PCDH9: variants seen among roughly 807,000 people sequenced by gnomAD.
PCDH9 encodes protocadherin 9.
Under a neutral mutation model 70.6 loss-of-function variants are expected in PCDH9, and 24 were observed. The observed-to-expected ratio is 0.34, with a 90% CI of 0.25 to 0.48. The LOEUF (loss-of-function observed/expected upper bound fraction) is 0.48, where lower values mean the gene tolerates loss of function less well. Ranked by LOEUF, PCDH9 falls within the 20% of genes least tolerant of loss-of-function variation. PCDH9 has a pLI of 0.99. For missense variants in PCDH9, 1,281 were observed against 1,503.6 expected, an observed-to-expected ratio of 0.85 and a Z score of 2.45; for synonymous variants, 562 against 558.5, an observed-to-expected ratio of 1.01 and a Z score of -0.09.
intron 3 of PCDH9, among the ~76,000 whole-genome samples, chr13:66,738,011 G>A (rs1205120636): frequency 6.6e-6 from 1 of 152,194 alleles, no homozygotes; most frequent in Non-Finnish European, 1.5e-5. Flanking sequence ...AAGGAGGCCT[G>A]CCTGCCTCTG....
intron 4 of PCDH9, among the ~76,000 whole-genome samples, chr13:66,573,403 C>A (rs1436897258): frequency 2.0e-5 from 3 of 150,482 alleles, no homozygotes; most frequent in Non-Finnish European, 4.4e-5. Flanking sequence ...TTGATTGTTT[C>A]TTTTGTTACT....
intron 3 of PCDH9, among the ~76,000 whole-genome samples, chr13:66,650,585 C>T (rs1026807415): frequency 5.3e-5 from 8 of 151,880 alleles, no homozygotes; most frequent in Non-Finnish European, 8.8e-5. Flanking sequence ...AGAAAATCAA[C>T]AAAGAGTAAG....
chr13:66,950,460 A>T (rs189478961), intron 2 of PCDH9, among the ~76,000 whole-genome samples: 20 of 152,154 alleles, frequency 1.3e-4, no homozygotes, highest in Admixed American at 9.8e-4. Flanking sequence ...ATTGGGAAAC[A>T]TGGAAAGTTC....
intron 2 of PCDH9, chr13:67,205,289 A>G (rs1484303728): frequency 2.0e-5 from 3 of 152,128 alleles, no homozygotes; most frequent in African/African-American, 7.2e-5. Flanking sequence ...GTCCCTTCCC[A>G]ATTTCTCATT....
intron 2 of PCDH9, among the ~76,000 whole-genome samples, chr13:66,909,632 G>A (rs1302161784): frequency 6.6e-6 from 1 of 152,026 alleles, no homozygotes; most frequent in Admixed American, 6.5e-5. Flanking sequence ...AGCCGGGCGT[G>A]GTGGCGGGCG....
At chr13:66,886,706 A>G (rs1325008340) in intron 3 of PCDH9, among the ~76,000 whole-genome samples, 1 of 152,228 alleles carries the variant, frequency 6.6e-6, no homozygotes, top group East Asian at 1.9e-4. Context: ...ACTAGGTATC[A>G]GTAAACAGCT....
chr13:66,454,071 A>T (rs565234296), intron 4 of PCDH9, among the ~76,000 whole-genome samples: 15 of 152,180 alleles, frequency 9.9e-5, no homozygotes, highest in Admixed American at 5.9e-4. Flanking sequence ...TTCTTATAAG[A>T]ATCATCACAT....
chr13:66,854,632 T>C (rs1955399521), intron 3 of PCDH9, among the ~76,000 whole-genome samples: 1 of 152,086 alleles, frequency 6.6e-6, no homozygotes. Context: ...ACTTTTTTTT[T>C]TGTATGTTTT....
At chr13:66,895,147 G>A (rs778363706) in intron 3 of PCDH9, among the ~76,000 whole-genome samples, 5 of 152,146 alleles carry the variant, frequency 3.3e-5, no homozygotes, top group South Asian at 2.1e-4. Flanking sequence ...TTTACAGTCC[G>A]TATTTTGAAA....
chr13:66,411,593 T>A (rs1957369975), intron 4 of PCDH9, among the ~76,000 whole-genome samples: 1 of 152,066 alleles, frequency 6.6e-6, no homozygotes, highest in Admixed American at 6.6e-5. Flanking sequence ...AGAATTGTAA[T>A]TTTGAAGATG....
chr13:66,556,936 C>T (rs1197226069), intron 4 of PCDH9, among the ~76,000 whole-genome samples: 1 of 152,088 alleles, frequency 6.6e-6, no homozygotes, highest in Non-Finnish European at 1.5e-5. Context: ...TATTTAAAAT[C>T]AATACTTAAG....
At chr13:67,211,039 A>C (rs1481675789) in intron 2 of PCDH9, 1 of 152,128 alleles carries the variant, frequency 6.6e-6, no homozygotes, top group East Asian at 1.9e-4. Context: ...TAAGCTTAAT[A>C]TATCCTGTTG....
At chr13:66,901,731 G>A (rs1341923807) in intron 3 of PCDH9, among the ~76,000 whole-genome samples, 6 of 150,990 alleles carry the variant, frequency 4.0e-5, no homozygotes, top group Non-Finnish European at 8.9e-5. Context: ...AATATCTAAG[G>A]GAGAAAAAAG....
chr13:67,148,118 A>G lies in PCDH9; in HGVS notation c.3036+77287T>C, dbSNP rs2087567729. ...AAATGCAGGTCTATCTTTTTAACAT[A>G]CTTTAAGTCCTCAGAATTCACTAAG... On this transcript the variant is annotated intron_variant, in intron 2 of 4. Coordinates refer to ENST00000377865, the MANE Select transcript of PCDH9 (RefSeq NM_203487.3). 2.6e-5 allele frequency among the ~76,000 whole-genome samples: 4 copies of G among 152,174 alleles called. No homozygotes were observed. In the South Asian group the frequency reaches 6.2e-4, roughly 24 times the overall value.
intron 2 of PCDH9, among the ~76,000 whole-genome samples, chr13:67,047,513 A>G (rs959706296): frequency 2.0e-5 from 3 of 152,172 alleles, no homozygotes; most frequent in African/African-American, 7.2e-5. Context: ...GGCAATTGAC[A>G]TCCAGAAGAT....
chr13:66,842,786 G>A (rs1366006540), intron 3 of PCDH9, among the ~76,000 whole-genome samples: 1 of 152,162 alleles, frequency 6.6e-6, no homozygotes, highest in Admixed American at 6.5e-5. Context: ...AAGCACTAAT[G>A]AAGAGGGAAA....
At position 67,226,824 on chromosome 13, in the gene PCDH9, A is replaced by G; in HGVS notation, c.1617T>C (p.Ile539=). 2 of 1,614,092 alleles carry G rather than the reference A, an allele frequency of 1.2e-6. No individual in the cohort carries two copies. Among genetic ancestry groups the G allele is most frequent in the African/African-American group, 1.3e-5 (1 of 75,002 alleles). ...VFDREEQERF[I]FTVTARDNGT... The stretch of plus-strand genomic sequence containing the variant: ...CATTGTCCCTGGCAGTTACTGTAAA[A>G]ATGAATCGTTCTTGTTCTTCTCTGT... The change falls in exon 2 of 5, where the codon ATT becomes ATC. Residue 539 remains isoleucine, a synonymous_variant. Coordinates refer to ENST00000377865, the MANE Select transcript of PCDH9 (RefSeq NM_203487.3). This position sits in a 1 kb window ranked among gnomAD's most constrained non-coding sequence, Gnocchi z 5.0.
intron 4 of PCDH9, among the ~76,000 whole-genome samples, chr13:66,481,358 T>C (rs550264843): frequency 1.8e-4 from 27 of 151,082 alleles, no homozygotes; most frequent in Non-Finnish European, 3.2e-4. Context: ...CTCATCACCC[T>C]GATGAGTCAG....
chr13:66,810,260 T>C (rs2080480679), intron 3 of PCDH9, among the ~76,000 whole-genome samples: 1 of 152,116 alleles, frequency 6.6e-6, no homozygotes, highest in Admixed American at 6.5e-5. Context: ...AGTGTTAGTA[T>C]AAATACAGAA....
Sources: allele counts gnomAD v4.1 joint callset (sites outside exome capture counted in the v4.1 genomes callset), GRCh38; gene constraint gnomAD v4.1.1; non-coding constraint Gnocchi (gnomAD v3.1); transcripts MANE v1.5; gene names NCBI Gene and HGNC (gene_info 2026-07-23, HGNC 2026-07-21).